The following PEDS1 variants were observed in gnomAD, a reference collection of about 807,000 sequenced individuals.
PEDS1 encodes the protein plasmanylethanolamine desaturase 1.
In PEDS1, 14 loss-of-function variants were observed where a neutral mutation model predicts 35.2. The observed-to-expected ratio is 0.40, with a 90% CI of 0.26 to 0.62. The LOEUF is 0.62. Ranked by LOEUF, PEDS1 falls within the 20% of genes least tolerant of loss-of-function variation. The probability of loss-of-function intolerance (pLI) is 0.44; values close to 1 mark genes in which losing one functional copy is unlikely to be tolerated. For missense variants in PEDS1, 260 were observed against 367.8 expected, an observed-to-expected ratio of 0.71 and a Z score of 2.40; for synonymous variants, 152 against 152.0, an observed-to-expected ratio of 1.00 and a Z score of 0.00.
At position 50,135,082 on chromosome 20, in the gene PEDS1, G is replaced by A. The variant is rs1046468549; in HGVS notation, c.242-4135C>T. Among the ~76,000 whole-genome samples, 7 of 152,292 alleles carry A rather than the reference G, an allele frequency of 4.6e-5. No individual in the cohort carries two copies. The South Asian group carries it at 1.2e-3, about 27-fold the overall frequency. ...GACCTGTAGTCCCAGCTACTCAGGA[G>A]GCTGAGGCAGGAGAATCGCTTGAAC... On this transcript the variant is annotated intron_variant, in intron 2 of 5. Transcript: ENST00000371652.
chr20:50,132,597 C>T (rs573184330), intron 2 of PEDS1, among the ~76,000 whole-genome samples: 15 of 152,318 alleles, frequency 9.8e-5, no homozygotes, highest in South Asian at 4.2e-4. Context: ...TTTCCGATCT[C>T]CTATGTATAT....
At chr20:50,152,561 A>AG (rs11475363) in intron 1 of PEDS1, among the ~76,000 whole-genome samples, 11 of 151,716 alleles carry the variant, frequency 7.3e-5, no homozygotes, top group East Asian at 1.9e-4. Flanking sequence ...AAGTGGGTGT[A>AG]GGGGGGGTGC....
intron 5 of PEDS1, among the ~76,000 whole-genome samples, chr20:50,125,459 ATCAC>A (rs1450805035): frequency 6.6e-6 from 1 of 152,172 alleles, no homozygotes; most frequent in Non-Finnish European, 1.5e-5. Context: ...TGGTGGCCTT[ATCAC>A]TCAGCTCAAA....
At chr20:50,142,885 A>T (rs2081308322) in intron 2 of PEDS1, among the ~76,000 whole-genome samples, 1 of 152,150 alleles carries the variant, frequency 6.6e-6, no homozygotes, top group South Asian at 2.1e-4. Flanking sequence ...GCCCTGAAGT[A>T]GGAATGTATC....
chr20:50,145,914 G>A (rs548058009), intron 1 of PEDS1, among the ~76,000 whole-genome samples: 2 of 152,260 alleles, frequency 1.3e-5, no homozygotes, highest in South Asian at 4.1e-4. Flanking sequence ...AGTGGTCAAG[G>A]AAGTAGCCCA....
chr20:50,153,485 C>T, intron 1 of PEDS1, 32 bp downstream of exon 1: 2 of 1,321,028 alleles, frequency 1.5e-6, no homozygotes, highest in African/African-American at 1.5e-5. Flanking sequence ...GGCTGGTGAC[C>T]GCAGGCCTGG....
chr20:50,143,674 G>A (rs1432080808), intron 1 of PEDS1, 53 bp from the exon 2 acceptor site: 1 of 1,588,502 alleles, frequency 6.3e-7, no homozygotes, highest in African/African-American at 1.4e-5. Context: ...GCCAGGCAGA[G>A]TGTGGCCCCA....
chr20:50,134,232 C>A (rs1032974882), intron 2 of PEDS1, among the ~76,000 whole-genome samples: 2 of 152,224 alleles, frequency 1.3e-5, no homozygotes, highest in African/African-American at 4.8e-5. Context: ...TCTCTAAATG[C>A]TGCCTTCAGG....
intron 1 of PEDS1, among the ~76,000 whole-genome samples, chr20:50,150,016 C>T (rs2081386474): frequency 6.6e-6 from 1 of 152,154 alleles, no homozygotes; most frequent in South Asian, 2.1e-4. Flanking sequence ...AGGTTCAGTC[C>T]CTGTCCTGCT....
intron 2 of PEDS1, among the ~76,000 whole-genome samples, chr20:50,137,692 G>C (rs1272154646): frequency 6.6e-6 from 1 of 152,174 alleles, no homozygotes; most frequent in Non-Finnish European, 1.5e-5. Flanking sequence ...CCAACATGGT[G>C]AAATTCCATC....
In PEDS1 at chr20:50,128,255, C is replaced by A; in HGVS notation, c.479-68G>T. The A allele has an allele frequency of 6.3e-7, 1 of 1,578,084 alleles. No homozygotes were observed. The highest frequency in any genetic ancestry group is 1.1e-5 in the South Asian group (1 of 87,704). ...GGACGGGGAACCCACCCCAAATGGC[C>A]CTCACCACCTGCTCCTGGGCGGCTC... On this transcript the variant is annotated intron_variant, in intron 4 of 5. Coordinates refer to ENST00000371652, the MANE Select transcript of PEDS1 (RefSeq NM_199129.4). The surrounding 1 kb of genome is among the most constrained non-coding windows in gnomAD (Gnocchi z 5.2).
intron 1 of PEDS1, among the ~76,000 whole-genome samples, chr20:50,147,610 C>A (rs759877645): frequency 2.0e-5 from 3 of 152,180 alleles, no homozygotes; most frequent in Non-Finnish European, 2.9e-5. Flanking sequence ...TCGGGGCAGT[C>A]CTGAAACCAA....
intron 5 of PEDS1, among the ~76,000 whole-genome samples, chr20:50,125,589 TATC>T (rs1476714907): frequency 7.3e-6 from 1 of 137,078 alleles, no homozygotes; most frequent in East Asian, 2.2e-4. Context: ...TCTATCTATC[TATC>T]ATTTATCTAT....
At position 50,119,200 on chromosome 20, in the gene PEDS1, G is replaced by T. The variant is rs905068042; in HGVS notation, c.*5858C>A. ...AATCCCAGCAGTTTGGGAGTCTGAG[G>T]CAGGAGGATTGCTTGAGCACAGGAG... On this transcript the variant is annotated 3_prime_UTR_variant, in exon 6 of 6. Coordinates refer to ENST00000371652, the MANE Select transcript of PEDS1 (RefSeq NM_199129.4). 3.9e-5 allele frequency: 6 copies of T among 152,048 alleles called. No individual in the cohort carries two copies. Among genetic ancestry groups the T allele is most frequent in the African/African-American group, 1.4e-4 (6 of 41,388 alleles). 9.4% of individuals were successfully genotyped at this position (152,048 alleles called of 1,614,324 possible).
intron 2 of PEDS1, chr20:50,131,191 G>A: frequency 1.1e-6 from 1 of 886,664 alleles, no homozygotes; most frequent in Non-Finnish European, 1.8e-6. Context: ...GCATAAACTG[G>A]GCATGCTCAG....
intron 1 of PEDS1, 92 bp from the exon 2 acceptor site, chr20:50,143,713 T>C (rs2081318808): frequency 2.7e-6 from 4 of 1,505,526 alleles, no homozygotes; most frequent in East Asian, 2.3e-5. Context: ...TTTTTTTTTT[T>C]CTGAGACAGA....
At position 50,130,878 on chromosome 20, in the gene PEDS1, A is replaced by G; in HGVS notation, c.311T>C (p.Val104Ala). ...CACCTTCCCCACAATGGGCAGCTCC[A>G]CAGAGCCCCATGTGTCAGCACCCCA... ...VHWGADTWGS[V>A]ELPIVGKAFI... Residue 104 changes from valine (V) to alanine (A), a missense_variant, in exon 3 of 6, where the codon GTG becomes GCG. Physicochemically the swap from Val to Ala is moderately conservative, Grantham distance 64 (BLOSUM62 0). Transcript: ENST00000371652. 1 of 1,614,182 alleles carries G rather than the reference A, an allele frequency of 6.2e-7. No homozygotes were observed. The highest frequency in any genetic ancestry group is 8.5e-7 in the Non-Finnish European group (1 of 1,180,026).
Position 50,118,960 on chromosome 20 carries a change from G to C in PEDS1, c.*6098C>G, listed in dbSNP as rs1335009751. 1 of 152,086 alleles carries C rather than the reference G, an allele frequency of 6.6e-6. No individual in the cohort carries two copies. The highest frequency in any genetic ancestry group is 1.5e-5 in the Non-Finnish European group (1 of 68,028). 9.4% of individuals were successfully genotyped at this position (152,086 alleles called of 1,614,324 possible). A position where few individuals can be genotyped will look rare whatever the true frequency, so the allele number is the denominator to read the frequency against. On this transcript the variant is annotated 3_prime_UTR_variant, in exon 6 of 6. Transcript: ENST00000371652. The stretch of plus-strand genomic sequence containing the variant: ...AATCAGGATGCATCTTAGAATCAGT[G>C]ACATCTTAGAATCAATGAAATACAG...
intron 1 of PEDS1, 29 bp downstream of exon 1, chr20:50,153,488 A>G: frequency 7.6e-7 from 1 of 1,324,102 alleles, no homozygotes; most frequent in Non-Finnish European, 9.7e-7. Flanking sequence ...TGGTGACCGC[A>G]GGCCTGGAGG....
Sources: gnomAD v4.1 joint callset for allele counts (sites outside exome capture counted in the v4.1 genomes callset) on GRCh38, gnomAD v4.1.1 for gene constraint, Gnocchi (gnomAD v3.1) non-coding constraint, MANE v1.5 for transcripts, NCBI Gene and HGNC (gene_info 2026-07-23, HGNC 2026-07-21) for gene names.